DENND4A: variants seen among roughly 807,000 people sequenced by gnomAD.
DENND4A encodes the protein C-myc promoter-binding protein.
In DENND4A, 70 loss-of-function variants were observed where a neutral mutation model predicts 199.3. The observed-to-expected ratio is 0.35, with a 90% CI of 0.29 to 0.43. The LOEUF (loss-of-function observed/expected upper bound fraction) is 0.43, where lower values mean the gene tolerates loss of function less well. DENND4A is among the 20% of genes least tolerant of loss of function. The pLI, the probability that DENND4A is intolerant of heterozygous loss-of-function variation, is 1.00. For synonymous variants in DENND4A, 686 were observed against 766.9 expected (o/e 0.89, Z 1.74); for missense variants, 1,723 against 2,255.8 (o/e 0.76, Z 4.78).
At chr15:65,769,285 C>T (rs940058097) in intron 1 of DENND4A, among the ~76,000 whole-genome samples, 1 of 151,778 alleles carries the variant, frequency 6.6e-6, no homozygotes, top group Non-Finnish European at 1.5e-5. Flanking sequence ...TATAGTAAGA[C>T]CTTATATTTG....
At chr15:65,719,423 T>G (rs1400500276) in intron 12 of DENND4A, 1 of 151,640 alleles carries the variant, frequency 6.6e-6, no homozygotes, top group Non-Finnish European at 1.5e-5. Flanking sequence ...GCTAAAGCCA[T>G]TAGATAGTAA....
intron 14 of DENND4A, among the ~76,000 whole-genome samples, chr15:65,709,566 C>T (rs1026963646): frequency 1.3e-5 from 2 of 151,226 alleles, no homozygotes; most frequent in Admixed American, 6.6e-5. Flanking sequence ...TGGTGGCACA[C>T]GCCTGTAATC....
intron 24 of DENND4A, among the ~76,000 whole-genome samples, chr15:65,675,999 T>C (rs2076362791): frequency 6.6e-6 from 1 of 151,520 alleles, no homozygotes; most frequent in Non-Finnish European, 1.5e-5. Flanking sequence ...TTGTACTATA[T>C]AGCTGAAAAA....
intron 1 of DENND4A, among the ~76,000 whole-genome samples, chr15:65,781,937 G>C (rs940389685): frequency 6.6e-6 from 1 of 152,194 alleles, no homozygotes; most frequent in Non-Finnish European, 1.5e-5. Flanking sequence ...AGAGTTTCTT[G>C]AGAAAGTATT....
intron 11 of DENND4A, among the ~76,000 whole-genome samples, chr15:65,728,345 G>T (rs567961881): frequency 1.3e-5 from 2 of 152,100 alleles, no homozygotes; most frequent in African/African-American, 4.8e-5. Context: ...ACTAGAAATA[G>T]GATTGAAATA....
intron 25 of DENND4A, among the ~76,000 whole-genome samples, chr15:65,671,560 T>C (rs1188001593): frequency 1.3e-5 from 2 of 152,172 alleles, no homozygotes; most frequent in Non-Finnish European, 2.9e-5. Flanking sequence ...TGGGTAATTT[T>C]TGTATTTTTA....
Position 65,660,591 on chromosome 15 carries a change from T to G in DENND4A, c.*1260A>C. ...AGAAATTACCCAAAGAAAGTTACAT[T>G]AGAAATAATATGACTAAAAATATAT... On this transcript the variant is annotated 3_prime_UTR_variant, in exon 33 of 33. Transcript: ENST00000443035. 1 of 335,946 alleles carries G rather than the reference T, an allele frequency of 3.0e-6. No individual in the cohort carries two copies. Among genetic ancestry groups the G allele is most frequent in the Non-Finnish European group, 5.4e-6 (1 of 186,378 alleles). 20.8% of individuals were successfully genotyped at this position (335,946 alleles called of 1,614,324 possible). A position where few individuals can be genotyped will look rare whatever the true frequency, so the allele number is the denominator to read the frequency against.
At position 65,729,116 on chromosome 15, in the gene DENND4A, T is replaced by C; in HGVS notation, c.1443A>G (p.Pro481=). ...CTACATCAACACAACTGACATCTGG[T>C]GGAGGATCATAGAGATCAAAGTATC... The part of the protein sequence containing the change: ...DSRYFDLYDP[P]PDVSCVDVDT... Residue 481 remains proline, a synonymous_variant, in exon 11 of 33, where the codon CCA becomes CCG. Coordinates refer to ENST00000443035, the MANE Select transcript of DENND4A (RefSeq NM_001320835.1). 2 of 1,593,366 alleles carry C rather than the reference T, an allele frequency of 1.3e-6. No homozygotes were observed. The highest frequency in any genetic ancestry group is 1.7e-6 in the Non-Finnish European group (2 of 1,168,752).
At chr15:65,722,250 A>G (rs775301298) in intron 12 of DENND4A, among the ~76,000 whole-genome samples, 20 of 152,170 alleles carry the variant, frequency 1.3e-4, no homozygotes, top group Non-Finnish European at 2.6e-4. Flanking sequence ...TGAGAAGTCG[A>G]AGAGGGAGAA....
Position 65,701,092 on chromosome 15 carries a change from G to C in DENND4A, c.2660C>G (p.Ala887Gly), listed in dbSNP as rs2074853231. Residue 887 changes from alanine (A) to glycine (G), a missense_variant, in exon 19 of 33, where the codon GCT (alanine) becomes GGT (glycine). Around this residue, in one of 6 missense-constraint regions of DENND4A, gnomAD observed 650 missense variants for 738.1 expected, o/e 0.88. Transcript: ENST00000443035. ...TGATAAGTGTGCATGCTTCTTTAAA[G>C]CTCTTTTGAACTGTGTTACTCCTAA... ...VVLGVTQFKR[A>G]LKKHAHLSQT... The C allele has an allele frequency of 3.1e-6, 5 of 1,609,328 alleles. No individual in the cohort carries two copies. The highest frequency in any genetic ancestry group is 2.7e-5 in the African/African-American group (2 of 74,748).
chr15:65,688,579 C>A (rs989279621), intron 23 of DENND4A, among the ~76,000 whole-genome samples: 1 of 152,192 alleles, frequency 6.6e-6, no homozygotes, highest in East Asian at 1.9e-4. Flanking sequence ...GTTACTTAAG[C>A]CTTTTCTATT....
At chr15:65,774,868 C>CTTTTTTTTTTTTTTTTTTTTTTTTTTTTT (rs397854207) in intron 1 of DENND4A, among the ~76,000 whole-genome samples, 1 of 112,062 alleles carries the variant, frequency 8.9e-6, no homozygotes, top group African/African-American at 3.4e-5. Flanking sequence ...CAAATGTTTA[C>CTTTTTTTTTTTTTTTTTTTTTTTTTTTTT]TTTTTTTTTT....
At chr15:65,774,617 C>A (rs940383065) in intron 1 of DENND4A, among the ~76,000 whole-genome samples, 1 of 152,122 alleles carries the variant, frequency 6.6e-6, no homozygotes, top group South Asian at 2.1e-4. Flanking sequence ...GCTGAGTGAG[C>A]TGAGATCGTG....
rs193236714 is a variant in DENND4A, at chr15:65,721,629, T to C, written c.1588+1219A>G. Among the ~76,000 whole-genome samples, 12 of 149,178 alleles carry C rather than the reference T, an allele frequency of 8.0e-5. 1 individual carries two copies. In the East Asian group the frequency reaches 2.4e-3, roughly 29 times the overall value. On this transcript the variant is annotated intron_variant, in intron 12 of 32. Coordinates refer to ENST00000443035, the MANE Select transcript of DENND4A (RefSeq NM_001320835.1). ...AAAAAAAAGAAAGAGAAAGACGACG[T>C]CTCACTCTGTCACCAAGGATGGAGT...
intron 1 of DENND4A, among the ~76,000 whole-genome samples, chr15:65,779,377 A>G (rs1596691465): frequency 6.7e-6 from 1 of 150,290 alleles, no homozygotes. Flanking sequence ...AATCGCTTGA[A>G]CCTGGGAGGC....
intron 29 of DENND4A, among the ~76,000 whole-genome samples, chr15:65,666,369 A>C (rs2076038170): frequency 6.6e-6 from 1 of 152,144 alleles, no homozygotes; most frequent in South Asian, 2.1e-4. Context: ...AGAGATGGCT[A>C]CTCAATGATT....
chr15:65,740,578 A>G (rs75042762), intron 5 of DENND4A, among the ~76,000 whole-genome samples: 10,252 of 151,614 alleles, frequency 0.068, 338 homozygotes, highest in African/African-American at 0.09. Context: ...GCAGTGAACT[A>G]TGATCCCACG....
chr15:65,676,168 C>CTATATATATATA (rs1596402303), intron 24 of DENND4A, among the ~76,000 whole-genome samples: 1 of 102,232 alleles, frequency 9.8e-6, no homozygotes, highest in African/African-American at 3.5e-5. Context: ...ATATATATAC[C>CTATATATATATA]TATACCTATA....
At chr15:65,767,775 T>A (rs1411053605) in intron 1 of DENND4A, among the ~76,000 whole-genome samples, 1 of 152,192 alleles carries the variant, frequency 6.6e-6, no homozygotes, top group Non-Finnish European at 1.5e-5. Flanking sequence ...AGCATTTATA[T>A]AAACTTAAAA....
Sources: allele counts gnomAD v4.1 joint callset (sites outside exome capture counted in the v4.1 genomes callset), GRCh38; gene constraint gnomAD v4.1.1; regional missense constraint gnomAD v4.1.1; transcripts MANE v1.5; gene names NCBI Gene and HGNC (gene_info 2026-07-23, HGNC 2026-07-21).